Variants in PCDHA2 observed in about 807,000 individuals in gnomAD.
PCDHA2 encodes protocadherin alpha 2.
In PCDHA2, 58 loss-of-function variants were observed where a neutral mutation model predicts 66.0. The ratio of observed to expected loss-of-function variants is 0.88; its 90% confidence interval spans 0.71 to 1.09. The LOEUF is 1.09. PCDHA2 is among the 50% of genes least tolerant of loss of function. The pLI, the probability that PCDHA2 is intolerant of heterozygous loss-of-function variation, is 0.00. For synonymous variants in PCDHA2, 634 were observed against 554.0 expected, an observed-to-expected ratio of 1.14 and a Z score of -2.03; for missense variants, 1,267 against 1,242.3, an observed-to-expected ratio of 1.02 and a Z score of -0.30.
At chr5:141,005,311 A>C (rs2098206135) in intron 3 of PCDHA2, among the ~76,000 whole-genome samples, 6 of 152,310 alleles carry the variant, frequency 3.9e-5, no homozygotes, top group Middle Eastern at 6.8e-3. Flanking sequence ...TGAATCTTAC[A>C]GTGGTAGAGA....
rs782568393 is a variant in PCDHA2 at position 141,011,637 on chromosome 5, C to G, written c.*1700C>G. The G allele has an allele frequency of 2.0e-5, 3 of 153,526 alleles. No homozygotes were observed. Among genetic ancestry groups the G allele is most frequent in the Non-Finnish European group, 4.4e-5 (3 of 68,022 alleles). The allele number at this position is 153,526 out of a possible 1,614,324, so 9.5% of individuals were successfully genotyped here. ...GGTCCAGCCAAGAGCCATCTCGTGC[C>G]AAGACTTCTGCTGGCAAGGGAATGG... is the stretch of plus-strand genomic sequence containing the variant. On this transcript the variant is annotated 3_prime_UTR_variant, in exon 4 of 4. Transcript: ENST00000526136.
intron 3 of PCDHA2, among the ~76,000 whole-genome samples, chr5:141,005,899 A>G (rs2098245270): frequency 6.6e-6 from 1 of 151,978 alleles, no homozygotes; most frequent in East Asian, 1.9e-4. Flanking sequence ...TCAAGCAATG[A>G]TTGCACCACT....
At chr5:140,956,009 CTT>C (rs2095247878) in intron 1 of PCDHA2, among the ~76,000 whole-genome samples, 1 of 152,192 alleles carries the variant, frequency 6.6e-6, no homozygotes, top group Non-Finnish European at 1.5e-5. Flanking sequence ...TATCCTGAGA[CTT>C]TGCTGAAGTT....
rs144568392 is a variant in PCDHA2 at position 140,837,758 on chromosome 5, C to T, written c.2388+40406C>T. Among the ~76,000 whole-genome samples the T allele has an allele frequency of 1.3e-4, 19 of 151,820 alleles. No homozygotes were observed. The South Asian group carries it at 1.5e-3, about 12-fold the overall frequency. On this transcript the variant is annotated intron_variant, in intron 1 of 3. Transcript: ENST00000526136. ...GTGGTGGGATTATAGCCCACTGCAA[C>T]CTGAAAGTCCTGGGCTCACAGGATC...
intron 1 of PCDHA2, chr5:140,830,060 C>CCGAG: frequency 1.2e-6 from 2 of 1,613,712 alleles, no homozygotes; most frequent in Non-Finnish European, 1.7e-6. Flanking sequence ...CCACGGTGAG[C>CCGAG]CGGCGCTGAC....
intron 3 of PCDHA2, among the ~76,000 whole-genome samples, chr5:141,004,743 T>G (rs1554259718): frequency 6.6e-6 from 1 of 152,182 alleles, no homozygotes; most frequent in Admixed American, 6.5e-5. Flanking sequence ...CTCTTTTGTC[T>G]CAGTCTCTTA....
chr5:140,927,171 C>G (rs1554204119), intron 1 of PCDHA2: 5 of 1,614,164 alleles, frequency 3.1e-6, no homozygotes. Context: ...AAGCTGCCTG[C>G]GTCTTGACCT....
intron 1 of PCDHA2, chr5:140,841,595 C>A (rs2150318765): frequency 1.9e-6 from 3 of 1,614,058 alleles, no homozygotes; most frequent in Non-Finnish European, 2.5e-6. Flanking sequence ...TCGGATCGAC[C>A]GCGAGGAGCT....
Position 140,822,688 on chromosome 5 carries a change from G to C in PCDHA2, c.2388+25336G>C. 3.1e-6 allele frequency: 5 copies of C among 1,609,258 alleles called. No individual in the cohort carries two copies. In the South Asian group the frequency reaches 3.3e-5, roughly 11 times the overall value. ...TAATACTGGTGAAATAAAAGTTAAC[G>C]GGGAACTGGATTATGAAGACTATAA... On this transcript the variant is annotated intron_variant, in intron 1 of 3. Coordinates refer to ENST00000526136, the MANE Select transcript of PCDHA2 (RefSeq NM_018905.3).
intron 3 of PCDHA2, among the ~76,000 whole-genome samples, chr5:141,005,089 A>C (rs1554259886): frequency 6.6e-6 from 1 of 152,244 alleles, no homozygotes; most frequent in Non-Finnish European, 1.5e-5. Context: ...TTAGTACTTT[A>C]CATGCATTAC....
chr5:140,804,029 C>A, intron 1 of PCDHA2: 1 of 194,462 alleles, frequency 5.1e-6, no homozygotes, highest in Non-Finnish European at 1.0e-5. Flanking sequence ...ATGAGTTCAC[C>A]TAATGCTTAT....
chr5:140,977,442 T>C (rs746141638), intron 1 of PCDHA2, among the ~76,000 whole-genome samples: 1 of 152,186 alleles, frequency 6.6e-6, no homozygotes. Flanking sequence ...TAGTAGATAA[T>C]GGAAACTCCT....
chr5:140,802,982 C>A lies in PCDHA2; in HGVS notation c.2388+5630C>A, dbSNP rs782518156. 49 of 1,614,008 alleles carry A rather than the reference C, an allele frequency of 3.0e-5. No homozygotes were observed. The Middle Eastern group carries it at 4.9e-4, about 16-fold the overall frequency. ...CGGGCCACGTGGTAGCGAAGGTGCG[C>A]GCAGTGGATGCAGACTCAGGCTACA... is the stretch of plus-strand genomic sequence containing the variant. On this transcript the variant is annotated intron_variant, in intron 1 of 3. Transcript: ENST00000526136.
chr5:140,801,648 C>A (rs782225894), intron 1 of PCDHA2: 1 of 1,614,156 alleles, frequency 6.2e-7, no homozygotes, highest in Non-Finnish European at 8.5e-7. Flanking sequence ...GCCTGGCTCT[C>A]GGTTTTCGCT....
intron 3 of PCDHA2, among the ~76,000 whole-genome samples, chr5:141,006,275 G>C (rs782763386): frequency 6.6e-6 from 1 of 151,772 alleles, no homozygotes; most frequent in Non-Finnish European, 1.5e-5. Flanking sequence ...GCAGTGGCAC[G>C]ATCTCAGCTC....
chr5:140,872,354 A>G (rs2053612951), intron 1 of PCDHA2, among the ~76,000 whole-genome samples: 1 of 152,138 alleles, frequency 6.6e-6, no homozygotes, highest in Non-Finnish European at 1.5e-5. Context: ...TTGCCAGGCA[A>G]AGTGGTTCAG....
intron 1 of PCDHA2, chr5:140,877,326 G>A: frequency 1.9e-6 from 3 of 1,613,964 alleles, no homozygotes. Flanking sequence ...CGGTCGGCGC[G>A]CACATCCCGT....
At chr5:140,903,229 T>C (rs2153479721) in intron 1 of PCDHA2, among the ~76,000 whole-genome samples, 1 of 152,340 alleles carries the variant, frequency 6.6e-6, no homozygotes, top group South Asian at 2.1e-4. Flanking sequence ...CATCTATTAC[T>C]TTTTGATTTT....
intron 1 of PCDHA2, among the ~76,000 whole-genome samples, chr5:140,872,191 T>A (rs1168972133): frequency 1.3e-5 from 2 of 152,162 alleles, no homozygotes; most frequent in Non-Finnish European, 1.5e-5. Flanking sequence ...GTGTTAAACG[T>A]TCATCATAAA....
Sources: gnomAD v4.1 joint callset for allele counts (sites outside exome capture counted in the v4.1 genomes callset) on GRCh38, gnomAD v4.1.1 for gene constraint, MANE v1.5 for transcripts, NCBI Gene and HGNC (gene_info 2026-07-23, HGNC 2026-07-21) for gene names.